The following IFT172 variants were observed in gnomAD, a reference collection of about 807,000 sequenced individuals.
The protein encoded by IFT172 is intraflagellar transport protein 172 homolog.
IFT172 carries 164 observed loss-of-function variants against 248.9 expected under a neutral mutation model. The observed-to-expected ratio is 0.66, with a 90% confidence interval of 0.58 to 0.75. IFT172 has a LOEUF of 0.75. Among genes scored for constraint, IFT172 ranks in the 30% least tolerant of loss-of-function variants. The probability of loss-of-function intolerance (pLI) is 0.00; values close to 1 mark genes in which losing one functional copy is unlikely to be tolerated. For synonymous variants in IFT172, 729 were observed against 791.6 expected (o/e 0.92, Z 1.33); for missense variants, 1,950 against 2,192.4 (o/e 0.89, Z 2.21).
chr2:27,489,320 C>G (rs1668994102), intron 1 of IFT172, among the ~76,000 whole-genome samples: 1 of 152,232 alleles, frequency 6.6e-6, no homozygotes, highest in Non-Finnish European at 1.5e-5. Flanking sequence ...GCACCTCACC[C>G]TCTAATACGA....
At chr2:27,458,754 TATC>T (rs1666388472) in intron 26 of IFT172, 22 bp downstream of exon 26, 1 of 1,610,672 alleles carries the variant, frequency 6.2e-7, no homozygotes, top group Non-Finnish European at 8.5e-7. Flanking sequence ...AGAGTTCTCT[TATC>T]ATGAACTCCA....
intron 14 of IFT172, 57 bp from the exon 15 acceptor site, chr2:27,472,419 G>A: frequency 2.2e-6 from 3 of 1,346,474 alleles, no homozygotes; most frequent in Non-Finnish European, 3.1e-6. Context: ...TACATAGTAT[G>A]GCCAACACAC....
At chr2:27,466,312 T>A (rs1667082866) in intron 16 of IFT172, among the ~76,000 whole-genome samples, 1 of 152,068 alleles carries the variant, frequency 6.6e-6, no homozygotes, top group Admixed American at 6.5e-5. Flanking sequence ...AAAAGGTCAA[T>A]AAGCTAAATC....
intron 35 of IFT172, 77 bp from the exon 36 acceptor site, chr2:27,450,173 C>T (rs1196161468): frequency 4.4e-6 from 5 of 1,138,308 alleles, no homozygotes; most frequent in South Asian, 1.4e-5. Context: ...CCATTTCATA[C>T]ATTTTTCTCC....
intron 17 of IFT172, 41 bp downstream of exon 17, chr2:27,465,705 G>T (rs368543557): frequency 3.7e-6 from 6 of 1,613,078 alleles, no homozygotes; most frequent in Non-Finnish European, 5.1e-6. Flanking sequence ...CTCAGAACCA[G>T]ACTCTCCCAC....
intron 33 of IFT172, 70 bp from the exon 34 acceptor site, chr2:27,453,809 C>G: frequency 6.8e-7 from 1 of 1,468,052 alleles, no homozygotes; most frequent in South Asian, 1.2e-5. Context: ...CACAGGTACT[C>G]TGGCCCACAG....
rs1324303959 is a variant in IFT172 at position 27,478,295 on chromosome 2, A to G, written c.1006-139T>C. ...TCCCTGGGTCTAGGATATTGTTGAT[A>G]GTAATGATATCTTATGTTTATATGG... On this transcript the variant is annotated intron_variant, in intron 10 of 47. Coordinates refer to ENST00000260570, the MANE Select transcript of IFT172 (RefSeq NM_015662.3). 9 of 926,832 alleles carry G rather than the reference A, an allele frequency of 9.7e-6. No individual in the cohort carries two copies. The Middle Eastern group carries it at 1.0e-3, about 104-fold the overall frequency. The allele number at this position is 926,832 out of a possible 1,614,324, so 57.4% of individuals were successfully genotyped here.
chr2:27,446,867 T>A (rs1208193910), intron 42 of IFT172, among the ~76,000 whole-genome samples: 1 of 147,766 alleles, frequency 6.8e-6, no homozygotes, highest in Admixed American at 6.7e-5. Context: ...GCCTGGCTAA[T>A]TTTTTGTATT....
Position 27,480,070 on chromosome 2 carries a change from T to C in IFT172, c.865A>G (p.Ile289Val). 1 of 1,613,864 alleles carries C rather than the reference T, an allele frequency of 6.2e-7. No homozygotes were observed. Among genetic ancestry groups the C allele is most frequent in the Non-Finnish European group, 8.5e-7 (1 of 1,179,882 alleles). Residue 289 changes from isoleucine to valine, a missense_variant, in exon 9 of 48, where the codon ATC (isoleucine) becomes GTC (valine). Around this residue, in one of 3 missense-constraint regions of IFT172, gnomAD observed 1,166 missense variants for 1,254.1 expected, o/e 0.93. Coordinates refer to ENST00000260570, the MANE Select transcript of IFT172 (RefSeq NM_015662.3). ...TCCCGCTTCCAGGCCAAGGCAGTGA[T>C]GGTGTATAAATTGGTAATCTCCTTG... is the stretch of plus-strand genomic sequence containing the variant. The part of the protein sequence containing the change: ...KPKEITNLYT[I>V]TALAWKRDGS...
chr2:27,477,520 G>C, intron 12 of IFT172, 39 bp downstream of exon 12: 1 of 1,442,084 alleles, frequency 6.9e-7, no homozygotes, highest in Non-Finnish European at 9.8e-7. Flanking sequence ...CTAGAAGGAG[G>C]CTTATCAAGA....
Position 27,445,251 on chromosome 2 carries a change from G to A in IFT172, c.5068+45C>T. On this transcript the variant is annotated intron_variant, in intron 46 of 47. Coordinates refer to ENST00000260570, the MANE Select transcript of IFT172 (RefSeq NM_015662.3). The surrounding 1 kb of genome is among the most constrained non-coding windows in gnomAD (Gnocchi z 4.4). ...TAAAATTAAGTTTATTGATCCTGCT[G>A]CTTTCTACCCACCACAGGATCTGGG... 2 of 1,592,884 alleles carry A rather than the reference G, an allele frequency of 1.3e-6. No individual in the cohort carries two copies. The highest frequency in any genetic ancestry group is 1.3e-5 in the African/African-American group (1 of 74,298).
chr2:27,459,597 C>T, intron 24 of IFT172, 75 bp from the exon 25 acceptor site: 1 of 1,602,946 alleles, frequency 6.2e-7, no homozygotes, highest in Non-Finnish European at 8.5e-7. Context: ...ACCCTTTAAG[C>T]ACACTTCAAC....
In IFT172 at chr2:27,454,751, G is replaced by A; in HGVS notation, c.3372-91C>T. The A allele has an allele frequency of 9.3e-7, 1 of 1,075,402 alleles. No individual in the cohort carries two copies. The highest frequency in any genetic ancestry group is 1.4e-6 in the Non-Finnish European group (1 of 718,570). The allele number at this position is 1,075,402 out of a possible 1,614,324, so 66.6% of individuals were successfully genotyped here. A position where few individuals can be genotyped will look rare whatever the true frequency, so the allele number is the denominator to read the frequency against. On this transcript the variant is annotated intron_variant, in intron 30 of 47. Coordinates refer to ENST00000260570, the MANE Select transcript of IFT172 (RefSeq NM_015662.3). This position sits in a 1 kb window ranked among gnomAD's most constrained non-coding sequence, Gnocchi z 4.2. ...AAACAGAGAAAGGACAGAGTTGAGG[G>A]GAGAAAAAGTGACAGATTTAAGGAT...
At chr2:27,444,888 A>G (rs1558347587) in intron 47 of IFT172, 126 bp downstream of exon 47, 1 of 980,336 alleles carries the variant, frequency 1.0e-6, no homozygotes, top group African/African-American at 1.6e-5. Context: ...ACCTCAGGTG[A>G]TCCGCCCACC....
At chr2:27,469,546 A>G (rs541191236) in intron 16 of IFT172, among the ~76,000 whole-genome samples, 1 of 152,228 alleles carries the variant, frequency 6.6e-6, no homozygotes, top group East Asian at 1.9e-4. Context: ...TTATAAAATA[A>G]TCAGGCAGGG....
rs185900719 is a variant in IFT172 at position 27,470,152 on chromosome 2, G to A, written c.1692+776C>T. On this transcript the variant is annotated intron_variant, in intron 16 of 47. Transcript: ENST00000260570. ...CCTAGCTGTACAGGGGGCTGAGGCA[G>A]GAGGATTGGCTGAGCCCAGGAGGCT... Among the ~76,000 whole-genome samples the A allele has an allele frequency of 1.3e-3, 200 of 152,182 alleles. 1 individual carries two copies. Among genetic ancestry groups the A allele is most frequent in the Non-Finnish European group, 3.4e-4 (23 of 68,010 alleles).
rs367863867 is a variant in IFT172 at position 27,472,499 on chromosome 2, G to A, written c.1412-137C>T. The stretch of plus-strand genomic sequence containing the variant: ...TGTAGAGGTTTTGTTTAACTATGTT[G>A]TTAACTCAAAAGGTCCAGACCCACA... On this transcript the variant is annotated intron_variant, in intron 14 of 47. Transcript: ENST00000260570. The A allele has an allele frequency of 7.8e-5, 52 of 664,738 alleles. No homozygotes were observed. The Middle Eastern group carries it at 8.9e-4, about 11-fold the overall frequency. 41.2% of individuals were successfully genotyped at this position (664,738 alleles called of 1,614,324 possible).
chr2:27,461,538 A>G, intron 21 of IFT172, 21 bp from the exon 22 acceptor site: 1 of 1,610,530 alleles, frequency 6.2e-7, no homozygotes, highest in East Asian at 2.2e-5. Flanking sequence ...ACAGAGGACA[A>G]CTAGGAGTCA....
At chr2:27,462,101 G>A (rs939096776) in intron 20 of IFT172, among the ~76,000 whole-genome samples, 2 of 151,664 alleles carry the variant, frequency 1.3e-5, no homozygotes, top group Non-Finnish European at 2.9e-5. Context: ...GTGTGATCTC[G>A]GGCTCACTGC....
Sources: gnomAD v4.1 joint callset for allele counts (sites outside exome capture counted in the v4.1 genomes callset) on GRCh38, gnomAD v4.1.1 for gene constraint, gnomAD v4.1.1 regional missense constraint, Gnocchi (gnomAD v3.1) non-coding constraint, MANE v1.5 for transcripts, NCBI Gene and HGNC (gene_info 2026-07-23, HGNC 2026-07-21) for gene names.